Variants in RFX3 observed in about 807,000 individuals in gnomAD.
RFX3 encodes transcription factor RFX3.
A neutral mutation model predicts 98.6 loss-of-function variants in RFX3; 14 were observed. The observed-to-expected ratio is 0.14, with a 90% CI of 0.09 to 0.22. The LOEUF (loss-of-function observed/expected upper bound fraction) is 0.22. Ranked by LOEUF, RFX3 falls within the 10% of genes least tolerant of loss-of-function variation. The pLI, the probability that RFX3 is intolerant of heterozygous loss-of-function variation, is 1.00. For synonymous variants in RFX3, 383 were observed against 328.4 expected, an observed-to-expected ratio of 1.17 and a Z score of -1.80; for missense variants, 639 against 926.9, an observed-to-expected ratio of 0.69 and a Z score of 4.03.
Position 3,257,206 on chromosome 9 carries a change from C to T in RFX3, c.1606-7G>A, listed in dbSNP as rs752792597. ...ACACCCAGGAAGCCTGCTCCTGAGACAGTAACACAGAAAGAAAAGGAAAAG... is the reference window on the plus strand; with the variant it reads ...ACACCCAGGAAGCCTGCTCCTGAGATAGTAACACAGAAAGAAAAGGAAAAG... On this transcript the variant is annotated splice_polypyrimidine_tract_variant and splice_region_variant and intron_variant, in intron 13 of 16. Transcript: ENST00000617270. 1.2e-6 allele frequency: 2 copies of T among 1,613,062 alleles called. No homozygotes were observed. The highest frequency in any genetic ancestry group is 1.7e-4 in the Middle Eastern group (1 of 6,052).
At chr9:3,372,540 T>C (rs1837975025) in intron 2 of RFX3, among the ~76,000 whole-genome samples, 1 of 151,452 alleles carries the variant, frequency 6.6e-6, no homozygotes, top group Non-Finnish European at 1.5e-5. Context: ...TTTTCTTTCT[T>C]TCTTTCTTTC....
At chr9:3,377,098 A>G (rs970285135) in intron 2 of RFX3, among the ~76,000 whole-genome samples, 3 of 152,240 alleles carry the variant, frequency 2.0e-5, no homozygotes, top group African/African-American at 7.2e-5. Context: ...TACTGGGTAC[A>G]TACCCAAAGG....
chr9:3,280,417 G>T (rs896076194), intron 7 of RFX3, among the ~76,000 whole-genome samples: 6 of 151,714 alleles, frequency 4.0e-5, no homozygotes, highest in African/African-American at 1.5e-4. Context: ...TCTGGCAATG[G>T]ATTGGAACTT....
chr9:3,445,007 C>T (rs1845918852), intron 1 of RFX3, among the ~76,000 whole-genome samples: 1 of 152,114 alleles, frequency 6.6e-6, no homozygotes, highest in Admixed American at 6.6e-5. Flanking sequence ...GAAAACAGAA[C>T]AGATAGTTTG....
chr9:3,248,005 G>T (rs1390225664), intron 15 of RFX3, 27 bp downstream of exon 15: 1 of 1,613,964 alleles, frequency 6.2e-7, no homozygotes, highest in South Asian at 1.1e-5. Flanking sequence ...TAACCCAGTG[G>T]GTCACAGCTC....
chr9:3,294,286 T>A (rs1448818504), intron 5 of RFX3, among the ~76,000 whole-genome samples: 1 of 152,138 alleles, frequency 6.6e-6, no homozygotes, highest in African/African-American at 2.4e-5. Context: ...AAGCAGTAAA[T>A]ATTTCACATT....
Position 3,320,511 on chromosome 9 carries a change from C to T in RFX3, c.474+9748G>A, listed in dbSNP as rs574139879. Among the ~76,000 whole-genome samples, 87 of 151,302 alleles carry T rather than the reference C, an allele frequency of 5.8e-4. 1 individual carries two copies. Among genetic ancestry groups the T allele is most frequent in the African/African-American group, 2.1e-3 (85 of 41,240 alleles). Reference sequence around the variant, plus strand: ...AGGTTGCAGTGAGCCGAGATCAAACCACCGCGTTCCAGCCTAGGTGACACA... The same window carrying T: ...AGGTTGCAGTGAGCCGAGATCAAACTACCGCGTTCCAGCCTAGGTGACACA... On this transcript the variant is annotated intron_variant, in intron 4 of 16. Coordinates refer to ENST00000617270, the MANE Select transcript of RFX3 (RefSeq NM_001282116.2).
chr9:3,219,660 A>C lies in RFX3; in HGVS notation c.*5382T>G, dbSNP rs1563753239. ...AAACTCAGGTCTACTGGCACATAAA[A>C]TCACTAGCAGCAATGATCAAGGCAT... On this transcript the variant is annotated 3_prime_UTR_variant, in exon 17 of 17. Coordinates refer to ENST00000617270, the MANE Select transcript of RFX3 (RefSeq NM_001282116.2). 6.6e-6 allele frequency: 1 copy of C among 152,218 alleles called. No homozygotes were observed. Among genetic ancestry groups the C allele is most frequent in the African/African-American group, 2.4e-5 (1 of 41,456 alleles). The allele number at this position is 152,218 out of a possible 1,614,324, so 9.4% of individuals were successfully genotyped here.
intron 4 of RFX3, among the ~76,000 whole-genome samples, chr9:3,310,602 T>A (rs768506394): frequency 1.3e-5 from 2 of 152,212 alleles, no homozygotes; most frequent in African/African-American, 4.8e-5. Flanking sequence ...AGGGTTTCTA[T>A]ATTAATTCTC....
In RFX3 at chr9:3,262,806, C is replaced by G. The variant is rs537196290; in HGVS notation, c.1605+129G>C. The G allele has an allele frequency of 6.8e-5, 67 of 985,238 alleles. 2 individuals are homozygous for G. In the South Asian group the frequency reaches 1.1e-3, roughly 16 times the overall value. The allele number at this position is 985,238 out of a possible 1,614,324, so 61.0% of individuals were successfully genotyped here. A position where few individuals can be genotyped will look rare whatever the true frequency, so the allele number is the denominator to read the frequency against. ...GTATCTGGGTCAAACTCCTCTCTTT[C>G]AGAACACTGTGAATATAGATGCTGC... On this transcript the variant is annotated intron_variant, in intron 13 of 16. Coordinates refer to ENST00000617270, the MANE Select transcript of RFX3 (RefSeq NM_001282116.2).
At chr9:3,494,585 C>A (rs2133559188) in intron 1 of RFX3, among the ~76,000 whole-genome samples, 4 of 152,176 alleles carry the variant, frequency 2.6e-5, no homozygotes, top group African/African-American at 9.6e-5. Context: ...ATAGTTGTAT[C>A]TATCTATACC....
intron 7 of RFX3, among the ~76,000 whole-genome samples, chr9:3,280,130 CAA>C (rs1825744614): frequency 6.6e-6 from 1 of 151,758 alleles, no homozygotes; most frequent in Admixed American, 6.6e-5. Flanking sequence ...AGAGATTGAG[CAA>C]AGACACACTA....
Position 3,486,128 on chromosome 9 carries a change from C to CAAA in RFX3, c.-9+39616_-9+39618dup, listed in dbSNP as rs772747349. ...CAACAAAAGTGAAACTGTCTCAAACCAAAAAAAAAAAAAAAAAAAAAAAAA... is the reference window on the plus strand; with the variant it reads ...CAACAAAAGTGAAACTGTCTCAAACCAAAAAAAAAAAAAAAAAAAAAAAAAAAA... On this transcript the variant is annotated intron_variant, in intron 1 of 16. Coordinates refer to ENST00000617270, the MANE Select transcript of RFX3 (RefSeq NM_001282116.2). Among the ~76,000 whole-genome samples the CAAA allele has an allele frequency of 3.6e-3, 177 of 49,136 alleles. 2 individuals carry two copies. The highest frequency in any genetic ancestry group is 9.0e-3 in the African/African-American group (110 of 12,160). The allele number at this position is 49,136 out of a possible 152,430, so 32.2% of individuals were successfully genotyped here. A position where few individuals can be genotyped will look rare whatever the true frequency, so the allele number is the denominator to read the frequency against.
intron 15 of RFX3, among the ~76,000 whole-genome samples, chr9:3,230,315 A>G (rs1818296618): frequency 6.6e-6 from 1 of 152,186 alleles, no homozygotes; most frequent in Non-Finnish European, 1.5e-5. Flanking sequence ...TGTAATTATT[A>G]GTATGTTTAT....
chr9:3,268,030 G>C (rs1317197173), intron 11 of RFX3, among the ~76,000 whole-genome samples: 4 of 151,756 alleles, frequency 2.6e-5, no homozygotes, highest in African/African-American at 9.7e-5. Flanking sequence ...GATATATTTT[G>C]CATTTTAAAT....
intron 1 of RFX3, among the ~76,000 whole-genome samples, chr9:3,405,193 C>T (rs1841844771): frequency 6.6e-6 from 1 of 151,860 alleles, no homozygotes; most frequent in South Asian, 2.1e-4. Context: ...AATTGCGTCC[C>T]TTTGAACAGA....
intron 1 of RFX3, among the ~76,000 whole-genome samples, chr9:3,502,187 A>T (rs1358947842): frequency 6.6e-6 from 1 of 151,416 alleles, no homozygotes; most frequent in African/African-American, 2.4e-5. Flanking sequence ...TGAACCCGGG[A>T]GGCGGAGCTT....
chr9:3,369,038 C>T (rs1019403588), intron 2 of RFX3, among the ~76,000 whole-genome samples: 42 of 152,240 alleles, frequency 2.8e-4, no homozygotes, highest in African/African-American at 1.0e-3. Context: ...CAGATACAAA[C>T]TGAAATATGA....
chr9:3,368,931 G>C (rs528377246), intron 2 of RFX3, among the ~76,000 whole-genome samples: 4 of 152,300 alleles, frequency 2.6e-5, no homozygotes, highest in African/African-American at 9.6e-5. Flanking sequence ...GCTCCATAAA[G>C]TCAGGAACAA....
Sources: allele counts gnomAD v4.1 joint callset (sites outside exome capture counted in the v4.1 genomes callset), GRCh38; gene constraint gnomAD v4.1.1; transcripts MANE v1.5; gene names NCBI Gene and HGNC (gene_info 2026-07-23, HGNC 2026-07-21).